The following LINGO2 variants were observed in gnomAD, a reference collection of about 807,000 sequenced individuals.
LINGO2 encodes leucine rich repeat and Ig domain containing 2, also known as leucine-rich repeat and immunoglobulin-like domain-containing nogo receptor-interacting protein 2.
LINGO2 carries 14 observed loss-of-function variants against 30.6 expected under a neutral mutation model. The observed-to-expected ratio is 0.46, with a 90% CI of 0.30 to 0.72. The LOEUF is 0.72. Ranked by LOEUF, LINGO2 falls within the 30% of genes least tolerant of loss-of-function variation. The pLI is 0.07. For missense variants in LINGO2, 729 were observed against 751.7 expected, an observed-to-expected ratio of 0.97 and a Z score of 0.35; for synonymous variants, 317 against 288.5, an observed-to-expected ratio of 1.10 and a Z score of -1.00.
intron 2 of LINGO2, among the ~76,000 whole-genome samples, chr9:28,377,745 C>G (rs895470527): frequency 7.2e-5 from 11 of 152,088 alleles, no homozygotes; most frequent in Non-Finnish European, 1.2e-4. Context: ...TCTAGGAAGA[C>G]TATTCAAGAC....
the LINGO2 span, among the ~76,000 whole-genome samples, chr9:29,208,572 C>T: frequency 6.6e-6 from 1 of 152,098 alleles, no homozygotes; most frequent in African/African-American, 2.4e-5. Flanking sequence ...TGATGCATTA[C>T]TGAAGTTTTA....
chr9:28,910,905 T>C, the LINGO2 span, among the ~76,000 whole-genome samples: 2 of 152,050 alleles, frequency 1.3e-5, 1 homozygote, highest in Non-Finnish European at 2.9e-5. Flanking sequence ...AAATTTGTTG[T>C]TTGAAAAATG....
At chr9:28,504,774 G>T (rs991127810) in intron 1 of LINGO2, among the ~76,000 whole-genome samples, 4 of 151,840 alleles carry the variant, frequency 2.6e-5, no homozygotes, top group Non-Finnish European at 5.9e-5. Flanking sequence ...TTATAAGTTA[G>T]CTGGGAAATA....
chr9:28,958,723 A>G, the LINGO2 span, among the ~76,000 whole-genome samples: 1 of 151,954 alleles, frequency 6.6e-6, no homozygotes, highest in Non-Finnish European at 1.5e-5. Context: ...AAAAAAGGAG[A>G]GAAGGGGAGA....
the LINGO2 span, among the ~76,000 whole-genome samples, chr9:29,049,196 C>T: frequency 6.6e-6 from 1 of 152,104 alleles, no homozygotes; most frequent in African/African-American, 2.4e-5. Flanking sequence ...AAACAAATGA[C>T]AAACAGGCAG....
intron 4 of LINGO2, among the ~76,000 whole-genome samples, chr9:28,236,496 C>T (rs1821570425): frequency 3.9e-5 from 6 of 152,032 alleles, no homozygotes; most frequent in Non-Finnish European, 1.5e-5. Context: ...AATGATGAAA[C>T]AATCAAAAAC....
the LINGO2 span, among the ~76,000 whole-genome samples, chr9:29,088,273 G>C: frequency 1.3e-5 from 2 of 152,062 alleles, no homozygotes; most frequent in Non-Finnish European, 2.9e-5. Flanking sequence ...ATCTAGGTTT[G>C]GTTATCTAAG....
intron 2 of LINGO2, among the ~76,000 whole-genome samples, chr9:28,394,430 C>G (rs1350287175): frequency 6.6e-6 from 1 of 152,166 alleles, no homozygotes; most frequent in Non-Finnish European, 1.5e-5. Flanking sequence ...CCCCACTGCC[C>G]TCACTACCAG....
At chr9:28,009,730 G>A (rs923820007) in intron 5 of LINGO2, among the ~76,000 whole-genome samples, 2 of 152,166 alleles carry the variant, frequency 1.3e-5, no homozygotes, top group Non-Finnish European at 2.9e-5. Context: ...TGACAATGAT[G>A]TGGAGATATG....
At chr9:28,412,520 A>C (rs1389616842) in intron 2 of LINGO2, among the ~76,000 whole-genome samples, 1 of 152,062 alleles carries the variant, frequency 6.6e-6, no homozygotes, top group East Asian at 1.9e-4. Flanking sequence ...CATGCAGAAA[A>C]CTCTAAAGTT....
At chr9:28,828,904 G>A in the LINGO2 span, among the ~76,000 whole-genome samples, 1 of 152,148 alleles carries the variant, frequency 6.6e-6, no homozygotes, top group African/African-American at 2.4e-5. Flanking sequence ...ACAGAAGGCA[G>A]GGAAATTCTG....
chr9:28,752,438 T>C, the LINGO2 span, among the ~76,000 whole-genome samples: 1 of 151,890 alleles, frequency 6.6e-6, no homozygotes, highest in African/African-American at 2.4e-5. Flanking sequence ...TGATGACACA[T>C]GATTGTCCAT....
At chr9:28,673,667 G>GATCATCATCATCATC (rs139919509), upstream of LINGO2, among the ~76,000 whole-genome samples, 631 of 147,166 alleles carry the variant, frequency 4.3e-3, 3 homozygotes, top group Non-Finnish European at 6.7e-3. Context: ...ACTCTGTCTC[G>GATCATCATCATCATC]ATCATCATCA....
the LINGO2 span, among the ~76,000 whole-genome samples, chr9:28,828,747 G>A: frequency 2.0e-5 from 3 of 152,194 alleles, no homozygotes; most frequent in Non-Finnish European, 4.4e-5. Context: ...GTATGGGTCT[G>A]AAAATCATGC....
chr9:28,497,416 G>C (rs1315344085), intron 1 of LINGO2, among the ~76,000 whole-genome samples: 1 of 151,924 alleles, frequency 6.6e-6, no homozygotes, highest in Non-Finnish European at 1.5e-5. Flanking sequence ...ATTTGATCTT[G>C]AATCACTGAT....
At chr9:28,464,544 C>A (rs1458285799) in intron 2 of LINGO2, among the ~76,000 whole-genome samples, 2 of 152,060 alleles carry the variant, frequency 1.3e-5, no homozygotes, top group Non-Finnish European at 2.9e-5. Flanking sequence ...GCTTTGAAAG[C>A]CATGTGTTTG....
chr9:28,673,379 T>C (rs1039470933), upstream of LINGO2, among the ~76,000 whole-genome samples: 1 of 152,082 alleles, frequency 6.6e-6, no homozygotes, highest in Non-Finnish European at 1.5e-5. Flanking sequence ...GAATAAATAT[T>C]GTTCAGGCCA....
At chr9:28,092,484 G>A (rs1826123245) in intron 4 of LINGO2, among the ~76,000 whole-genome samples, 1 of 146,588 alleles carries the variant, frequency 6.8e-6, no homozygotes, top group Admixed American at 7.0e-5. Flanking sequence ...CTCATAGGTG[G>A]GAACTGAACA....
At chr9:28,582,276 T>C (rs1180213597) in intron 1 of LINGO2, among the ~76,000 whole-genome samples, 1 of 152,022 alleles carries the variant, frequency 6.6e-6, no homozygotes, top group Non-Finnish European at 1.5e-5. Context: ...TTAAAAGTGT[T>C]TTTCATATTC....
Sources: gnomAD v4.1 joint callset for allele counts (sites outside exome capture counted in the v4.1 genomes callset) on GRCh38, gnomAD v4.1.1 for gene constraint, MANE v1.5 for transcripts, NCBI Gene and HGNC (gene_info 2026-07-23, HGNC 2026-07-21) for gene names.